Variants in CACNA2D4 observed in about 807,000 individuals in gnomAD.
The protein encoded by CACNA2D4 is calcium voltage-gated channel auxiliary subunit alpha2delta 4.
CACNA2D4 carries 157 observed loss-of-function variants against 163.8 expected under a neutral mutation model. That is an observed-to-expected ratio of 0.96 (90% CI 0.84 to 1.09). CACNA2D4 has a LOEUF of 1.09. Ranked by LOEUF, CACNA2D4 falls within the 50% of genes least tolerant of loss-of-function variation. The pLI is 0.00. For synonymous variants in CACNA2D4, 598 were observed against 586.9 expected, an observed-to-expected ratio of 1.02 and a Z score of -0.27; for missense variants, 1,410 against 1,479.9, an observed-to-expected ratio of 0.95 and a Z score of 0.78.
chr12:1,806,192 G>T lies in CACNA2D4; in HGVS notation c.2721+4086C>A, dbSNP rs936780368. The stretch of plus-strand genomic sequence containing the variant: ...GCCCAGAAGCAAATGACAGGAATCG[G>T]AGTCCCCAGATTCAGGGTGACAGAT... On this transcript the variant is annotated intron_variant, in intron 29 of 37. Coordinates refer to ENST00000382722, the MANE Select transcript of CACNA2D4 (RefSeq NM_172364.5). The surrounding 1 kb of genome is among the most constrained non-coding windows in gnomAD (Gnocchi z 4.1). Among the ~76,000 whole-genome samples, 1 of 152,140 alleles carries T rather than the reference G, an allele frequency of 6.6e-6. No homozygotes were observed. The highest frequency in any genetic ancestry group is 1.5e-5 in the Non-Finnish European group (1 of 68,012).
At position 1,800,006 on chromosome 12, in the gene CACNA2D4, C is replaced by T; in HGVS notation, c.2968G>A (p.Ala990Thr). 1 of 1,604,404 alleles carries T rather than the reference C, an allele frequency of 6.2e-7. No individual in the cohort carries two copies. Among genetic ancestry groups the T allele is most frequent in the Admixed American group, 1.7e-5 (1 of 58,818 alleles). The change falls in exon 33 of 38, where the codon GCC becomes ACC. Residue 990 changes from alanine (A) to threonine (T), a missense_variant. Transcript: ENST00000382722. ...SVWGSWYDRG[A>T]EAKSVFHHSH... ...TGCAGCTCCGTGCACTCACCCTCGG[C>T]CCCTCTGTCGTACCAGGAGCCCCAG... is the stretch of plus-strand genomic sequence containing the variant.
At chr12:1,840,148 T>C (rs1864980769) in intron 26 of CACNA2D4, among the ~76,000 whole-genome samples, 1 of 152,154 alleles carries the variant, frequency 6.6e-6, no homozygotes, top group Non-Finnish European at 1.5e-5. Flanking sequence ...GCCCACGCAA[T>C]TTCAGCGCTG....
chr12:1,794,358 A>G (rs1443240846), intron 37 of CACNA2D4, among the ~76,000 whole-genome samples: 1 of 152,130 alleles, frequency 6.6e-6, no homozygotes, highest in Non-Finnish European at 1.5e-5. Context: ...AACAAATGTG[A>G]AGGGTTTTTC....
At chr12:1,915,642 A>G (rs1320591270) in intron 1 of CACNA2D4, among the ~76,000 whole-genome samples, 1 of 152,244 alleles carries the variant, frequency 6.6e-6, no homozygotes, top group Non-Finnish European at 1.5e-5. Flanking sequence ...AGGGCAGGCC[A>G]GGAGGGCATA....
intron 6 of CACNA2D4, among the ~76,000 whole-genome samples, chr12:1,894,541 A>G (rs991373775): frequency 3.3e-5 from 5 of 152,228 alleles, no homozygotes; most frequent in African/African-American, 1.2e-4. Flanking sequence ...ATAATATGCC[A>G]TGATCAAGTG....
intron 23 of CACNA2D4, among the ~76,000 whole-genome samples, chr12:1,853,282 A>G (rs1187432595): frequency 1.3e-5 from 2 of 152,210 alleles, no homozygotes; most frequent in African/African-American, 4.8e-5. Context: ...AGCATTCCAC[A>G]TCTTGCTTTT....
rs747041293 is a variant in CACNA2D4, at chr12:1,828,248, G to A, written c.2551+12491C>T. On this transcript the variant is annotated intron_variant, in intron 26 of 37. Transcript: ENST00000382722. The surrounding 1 kb of genome is among the most constrained non-coding windows in gnomAD (Gnocchi z 4.2). ...CACCCCTGGCCTCGGAGGGGGGTGC[G>A]GGTTGGGTGGGGGTGCCGAGGTGAC... 1.1e-4 allele frequency: 174 copies of A among 1,518,042 alleles called. 2 individuals are homozygous for A. In the Middle Eastern group the frequency reaches 1.5e-3, roughly 14 times the overall value. 94.0% of individuals were successfully genotyped at this position (1,518,042 alleles called of 1,614,324 possible). A position where few individuals can be genotyped will look rare whatever the true frequency, so the allele number is the denominator to read the frequency against.
chr12:1,912,371 A>G (rs889415928), intron 3 of CACNA2D4, among the ~76,000 whole-genome samples: 1 of 152,218 alleles, frequency 6.6e-6, no homozygotes, highest in Non-Finnish European at 1.5e-5. Flanking sequence ...CAGTGCAGAC[A>G]CTTCACCCCA....
rs975727314 is a variant in CACNA2D4, at chr12:1,883,161, C to T, written c.1352-161G>A. 3.3e-5 allele frequency among the ~76,000 whole-genome samples: 5 copies of T among 152,214 alleles called. No individual in the cohort carries two copies. The highest frequency in any genetic ancestry group is 4.8e-5 in the African/African-American group (2 of 41,454). Reference sequence around the variant, plus strand: ...TGCTTCCCCACAGTTGTGTCCTTTACCCAGGGGCAGCCGCAGGCCAGTGGG... The same window carrying T: ...TGCTTCCCCACAGTTGTGTCCTTTATCCAGGGGCAGCCGCAGGCCAGTGGG... On this transcript the variant is annotated intron_variant, in intron 12 of 37. Transcript: ENST00000382722. The surrounding 1 kb of genome is among the most constrained non-coding windows in gnomAD (Gnocchi z 4.5).
chr12:1,802,847 C>T lies in CACNA2D4; in HGVS notation c.2722-1203G>A, dbSNP rs141460538. Among the ~76,000 whole-genome samples, 17 of 152,286 alleles carry T rather than the reference C, an allele frequency of 1.1e-4. No homozygotes were observed. Among genetic ancestry groups the T allele is most frequent in the Non-Finnish European group, 1.6e-4 (11 of 68,028 alleles). ...CAGAACAAGGCCTTCCTCTGCACACCGGCAGCCTGTGGAGTCCTAGTCTCA... is the reference window on the plus strand; with the variant it reads ...CAGAACAAGGCCTTCCTCTGCACACTGGCAGCCTGTGGAGTCCTAGTCTCA... On this transcript the variant is annotated intron_variant, in intron 29 of 37. Transcript: ENST00000382722. This position sits in a 1 kb window ranked among gnomAD's most constrained non-coding sequence, Gnocchi z 4.7.
chr12:1,918,334 A>T lies in CACNA2D4; in HGVS notation c.140T>A (p.Val47Glu). 1 of 1,609,464 alleles carries T rather than the reference A, an allele frequency of 6.2e-7. No individual in the cohort carries two copies. Among genetic ancestry groups the T allele is most frequent in the African/African-American group, 1.3e-5 (1 of 75,002 alleles). Residue 47 changes from valine to glutamate, a missense_variant, in exon 1 of 38, where the codon GTG (valine) becomes GAG (glutamate). Physicochemically the swap from Val to Glu is moderately radical, Grantham distance 121 (BLOSUM62 -2). Transcript: ENST00000382722. ...CCACAGGAGGGCCGAGGTCTTCTGC[A>T]CAAAGGCCCAGGCCACGGGCATTGG... ...LQPMPVAWAF[V>E]QKTSALLWLL...
At chr12:1,831,550 G>A in intron 26 of CACNA2D4, 2 of 1,586,102 alleles carry the variant, frequency 1.3e-6, no homozygotes, top group Non-Finnish European at 8.6e-7. Flanking sequence ...CCCTGCTGGG[G>A]CCCGAGGGAT....
intron 26 of CACNA2D4, chr12:1,827,904 A>AG (rs1864417310): frequency 7.4e-6 from 3 of 403,382 alleles, no homozygotes; most frequent in African/African-American, 4.1e-5. Context: ...CCCCCATCCC[A>AG]GGGGCTTGAA....
intron 7 of CACNA2D4, 131 bp downstream of exon 7, chr12:1,886,877 GC>G: frequency 1.6e-6 from 1 of 635,886 alleles, no homozygotes; most frequent in Non-Finnish European, 2.9e-6. Flanking sequence ...CTTGTGTCGG[GC>G]TAGGGTTCTA....
At chr12:1,854,606 A>G (rs962303327) in intron 22 of CACNA2D4, among the ~76,000 whole-genome samples, 13 of 152,144 alleles carry the variant, frequency 8.5e-5, no homozygotes, top group Non-Finnish European at 1.8e-4. Flanking sequence ...AGGTTTCACT[A>G]TGTTGGCCAG....
Position 1,878,290 on chromosome 12 carries a change from C to G in CACNA2D4, c.1719+25G>C, listed in dbSNP as rs765643445. 26 of 1,598,716 alleles carry G rather than the reference C, an allele frequency of 1.6e-5. No individual in the cohort carries two copies. Among genetic ancestry groups the G allele is most frequent in the Non-Finnish European group, 3.4e-6 (4 of 1,172,766 alleles). On this transcript the variant is annotated intron_variant, in intron 16 of 37. Transcript: ENST00000382722. This position sits in a 1 kb window ranked among gnomAD's most constrained non-coding sequence, Gnocchi z 4.6. ...CCCAAATCCCATACAGTAAGGATCC[C>G]AAGGCAAAGAAGATCTGTACCTACC...
chr12:1,887,004 C>T lies in CACNA2D4; in HGVS notation c.842+5G>A. ...GCCGCAAACCTTTCCCCTGTGAGCT[C>T]TTACCAGCCGCGGTTTCGGCAGTCA... On this transcript the variant is annotated splice_donor_5th_base_variant and intron_variant, in intron 7 of 37. Coordinates refer to ENST00000382722, the MANE Select transcript of CACNA2D4 (RefSeq NM_172364.5). 2.5e-6 allele frequency: 4 copies of T among 1,582,662 alleles called. No homozygotes were observed. The highest frequency in any genetic ancestry group is 3.5e-6 in the Non-Finnish European group (4 of 1,158,598).
chr12:1,914,664 C>A (rs1427291036), intron 2 of CACNA2D4, among the ~76,000 whole-genome samples, 190 bp downstream of exon 2: 1 of 152,198 alleles, frequency 6.6e-6, no homozygotes, highest in Non-Finnish European at 1.5e-5. Flanking sequence ...TGACCACGCC[C>A]CCGAACCACC....
rs771086482 is a variant in CACNA2D4 at position 1,874,520 on chromosome 12, A to C, written c.1878+84T>G. ...CAACTCTTCAGCTATAATTAGGCTA[A>C]GTCCAGGTCCCTCGTCACTACTCCA... On this transcript the variant is annotated intron_variant, in intron 18 of 37. Transcript: ENST00000382722. This position sits in a 1 kb window ranked among gnomAD's most constrained non-coding sequence, Gnocchi z 4.4. The C allele has an allele frequency of 8.8e-6, 8 of 908,912 alleles. No individual in the cohort carries two copies. The highest frequency in any genetic ancestry group is 1.4e-5 in the Non-Finnish European group (8 of 553,548). The allele number at this position is 908,912 out of a possible 1,614,324, so 56.3% of individuals were successfully genotyped here.
Sources: allele counts gnomAD v4.1 joint callset (sites outside exome capture counted in the v4.1 genomes callset), GRCh38; gene constraint gnomAD v4.1.1; non-coding constraint Gnocchi (gnomAD v3.1); transcripts MANE v1.5; gene names NCBI Gene and HGNC (gene_info 2026-07-23, HGNC 2026-07-21).